CXorf58: variants seen among roughly 807,000 people sequenced by gnomAD.
CXorf58 encodes chromosome X open reading frame 58.
CXorf58 carries 24 observed loss-of-function variants against 26.0 expected under a neutral mutation model. The ratio of observed to expected loss-of-function variants is 0.92; its 90% CI spans 0.67 to 1.30. The LOEUF (loss-of-function observed/expected upper bound fraction) is 1.30, where lower values mean the gene tolerates loss of function less well. Ranked by LOEUF, CXorf58 falls within the 50% of genes most tolerant of loss-of-function variation. The pLI is 0.00. For synonymous variants in CXorf58, 87 were observed against 86.1 expected (o/e 1.01, Z -0.06); for missense variants, 236 against 263.9 (o/e 0.89, Z 0.73).
chrX:23,933,649 G>A (rs1928220698), intron 6 of CXorf58, among the ~76,000 whole-genome samples: 1 of 111,044 alleles, frequency 9.0e-6, no homozygotes, highest in Non-Finnish European at 1.9e-5. Context: ...AGCACTTTGG[G>A]AGGCCGAGGT....
chrX:23,937,402 C>G (rs1410019969), intron 7 of CXorf58, among the ~76,000 whole-genome samples: 1 of 106,102 alleles, frequency 9.4e-6, no homozygotes, highest in Non-Finnish European at 1.9e-5. Context: ...CATGGGCTTG[C>G]TTTTCTTTTC....
At chrX:23,921,909 G>A (rs190347713) in intron 5 of CXorf58, among the ~76,000 whole-genome samples, 1,609 of 109,259 alleles carry the variant, frequency 0.015, 29 homozygotes, top group African/African-American at 0.05. Flanking sequence ...TGCTATGTTG[G>A]CCAGGCTGAT....
chrX:23,909,844 T>C (rs184380580), intron 1 of CXorf58, among the ~76,000 whole-genome samples: 80 of 111,955 alleles, frequency 7.1e-4, no homozygotes, highest in African/African-American at 2.5e-3. Context: ...CACTGCTATT[T>C]GGTGATAAAA....
At chrX:23,938,516 T>A in intron 7 of CXorf58, 31 bp from the exon 8 acceptor site, 1 of 1,061,490 alleles carries the variant, frequency 9.4e-7, no homozygotes, top group Non-Finnish European at 1.2e-6. Context: ...TTCTGTGTGA[T>A]TTTTCTGTTT....
At chrX:23,912,120 G>A (rs771628400) in intron 3 of CXorf58, among the ~76,000 whole-genome samples, 108 of 110,282 alleles carry the variant, frequency 9.8e-4, no homozygotes, top group Non-Finnish European at 1.7e-3. Context: ...CCTGGCTAAT[G>A]TTTTGTATTT....
At position 23,915,806 on chromosome X, in the gene CXorf58, A is replaced by G. The variant is rs768474832; in HGVS notation, c.311+12A>G. The stretch of plus-strand genomic sequence containing the variant: ...AAAATTAGATTCAGGTAATGTATCT[A>G]TGCTGATTTATTTCAAGAAGTACTT... On this transcript the variant is annotated intron_variant, in intron 4 of 8. Transcript: ENST00000379211. 1 of 966,941 alleles carries G rather than the reference A, an allele frequency of 1.0e-6. No individual in the cohort carries two copies. Among genetic ancestry groups the G allele is most frequent in the Admixed American group, 2.5e-5 (1 of 39,614 alleles). 79.7% of individuals were successfully genotyped at this position (966,941 alleles called of 1,213,427 possible).
At chrX:23,924,227 G>C (rs959220971) in intron 5 of CXorf58, among the ~76,000 whole-genome samples, 1 of 111,368 alleles carries the variant, frequency 9.0e-6, no homozygotes, top group Non-Finnish European at 1.9e-5. Context: ...TGTGGGGCTG[G>C]TTAATTAGAA....
intron 3 of CXorf58, 31 bp from the exon 4 acceptor site, chrX:23,915,669 T>C (rs1201404584): frequency 3.2e-6 from 3 of 934,843 alleles, no homozygotes; most frequent in Non-Finnish European, 1.5e-6. Context: ...GGGATACTGC[T>C]TTCCTTTTAC....
intron 3 of CXorf58, among the ~76,000 whole-genome samples, chrX:23,913,536 T>TA (rs1178119375): frequency 1.8e-5 from 2 of 110,983 alleles, no homozygotes; most frequent in African/African-American, 3.3e-5. Context: ...AAAAAAATAA[T>TA]AAAGTCTGAG....
rs181071469 is a variant in CXorf58, at chrX:23,922,145, C to G, written c.424-5094C>G. Among the ~76,000 whole-genome samples the G allele has an allele frequency of 7.1e-3, 781 of 110,268 alleles. 4 individuals carry two copies. The highest frequency in any genetic ancestry group is 0.011 in the Non-Finnish European group (589 of 52,769). On this transcript the variant is annotated intron_variant, in intron 5 of 8. Transcript: ENST00000379211. ...ATCCTAACACTTTGGGAGGCCGAGGCAGGCGGATCACTTGAGGTCAGGAGT... is the reference window on the plus strand; with the variant it reads ...ATCCTAACACTTTGGGAGGCCGAGGGAGGCGGATCACTTGAGGTCAGGAGT...
intron 6 of CXorf58, among the ~76,000 whole-genome samples, chrX:23,928,889 T>C (rs1033941594): frequency 1.8e-5 from 2 of 111,559 alleles, no homozygotes; most frequent in Non-Finnish European, 3.8e-5. Context: ...GAAAGAGTCA[T>C]GCGCCTCTCA....
chrX:23,929,427 AAG>A (rs1017485393), intron 6 of CXorf58, among the ~76,000 whole-genome samples: 4 of 89,591 alleles, frequency 4.5e-5, no homozygotes, highest in African/African-American at 1.4e-4. Context: ...AAAAAAGAAA[AAG>A]AAAAAAAAAG....
chrX:23,915,057 C>T (rs1457216353), intron 3 of CXorf58, among the ~76,000 whole-genome samples: 1 of 112,218 alleles, frequency 8.9e-6, no homozygotes, highest in African/African-American at 3.2e-5. Flanking sequence ...TCGCTTGAAC[C>T]TGGGAGGCGG....
intron 8 of CXorf58, 135 bp downstream of exon 8, chrX:23,938,835 T>G: frequency 4.6e-6 from 2 of 437,081 alleles, no homozygotes; most frequent in Admixed American, 4.3e-5. Context: ...TTATCATAGG[T>G]AGTATAAAGT....
chrX:23,916,294 TTA>T lies in CXorf58; in HGVS notation c.390_391del (p.Phe130LeufsTer11). The T allele has an allele frequency of 5.9e-6, 7 of 1,196,375 alleles. No individual in the cohort carries two copies. In the South Asian group the frequency reaches 1.3e-4, roughly 22 times the overall value. On this transcript the variant is annotated frameshift_variant, in exon 5 of 9. Transcript: ENST00000379211. LOFTEE classifies it high-confidence loss of function. ...ACTGATGGCCATGGTTACAAGTATT[TTA>T]GTGGAAAAAATGTATTAATGCCGTC...
chrX:23,916,486 C>A, intron 5 of CXorf58, 158 bp downstream of exon 5: 4 of 220,965 alleles, frequency 1.8e-5, no homozygotes, highest in Non-Finnish European at 3.1e-5. Context: ...TTCAAAGTGT[C>A]TCCACTTACT....
chrX:23,916,478 CAA>C (rs1187649836), intron 5 of CXorf58, 150 bp downstream of exon 5: 7 of 195,966 alleles, frequency 3.6e-5, no homozygotes, highest in Non-Finnish European at 5.2e-5. Flanking sequence ...CACCATGTTT[CAA>C]AGTGTCTCCA....
intron 3 of CXorf58, among the ~76,000 whole-genome samples, chrX:23,914,360 A>T (rs1740750094): frequency 8.9e-6 from 1 of 111,804 alleles, no homozygotes; most frequent in Non-Finnish European, 1.9e-5. Context: ...TGCCAGGATT[A>T]TAGGCGTGAG....
chrX:23,936,122 C>G (rs1019061889), intron 7 of CXorf58, among the ~76,000 whole-genome samples: 2 of 109,896 alleles, frequency 1.8e-5, no homozygotes, highest in African/African-American at 6.6e-5. Context: ...TGCCGAGAAC[C>G]AGGAGCCATC....
Sources: allele counts gnomAD v4.1 joint callset (sites outside exome capture counted in the v4.1 genomes callset), GRCh38; gene constraint gnomAD v4.1.1; transcripts MANE v1.5; gene names NCBI Gene and HGNC (gene_info 2026-07-23, HGNC 2026-07-21).